The following CAMK1D variants were observed in gnomAD, a reference collection of about 807,000 sequenced individuals.
CAMK1D encodes the protein calcium/calmodulin dependent protein kinase ID, also known as calcium/calmodulin-dependent protein kinase type 1D.
Under a neutral mutation model 47.7 loss-of-function variants are expected in CAMK1D, and 9 were observed. That is an observed-to-expected ratio of 0.19 (90% CI 0.11 to 0.33). CAMK1D has a LOEUF of 0.33. Among genes scored for constraint, CAMK1D ranks in the 10% least tolerant of loss-of-function variants. The pLI, the probability that CAMK1D is intolerant of heterozygous loss-of-function variation, is 1.00. For synonymous variants in CAMK1D, 184 were observed against 184.9 expected, an observed-to-expected ratio of 0.99 and a Z score of 0.04; for missense variants, 291 against 488.7, an observed-to-expected ratio of 0.60 and a Z score of 3.81.
chr10:12,584,175 T>C (rs1190338351), intron 2 of CAMK1D, among the ~76,000 whole-genome samples: 2 of 152,160 alleles, frequency 1.3e-5, no homozygotes, highest in Non-Finnish European at 2.9e-5. Flanking sequence ...CTTGTGTGAG[T>C]ACTTAACTGA....
At chr10:12,638,461 T>C (rs1186461720) in intron 2 of CAMK1D, among the ~76,000 whole-genome samples, 1 of 152,156 alleles carries the variant, frequency 6.6e-6, no homozygotes, top group African/African-American at 2.4e-5. Flanking sequence ...TTACAGAGGC[T>C]TTTCCCTCTG....
intron 1 of CAMK1D, among the ~76,000 whole-genome samples, chr10:12,462,251 C>T (rs367913592): frequency 1.1e-4 from 17 of 148,582 alleles, no homozygotes; most frequent in East Asian, 4.0e-4. Flanking sequence ...CTGCAACCTT[C>T]GCCTCCCAGG....
At chr10:12,631,458 C>T (rs577131320) in intron 2 of CAMK1D, among the ~76,000 whole-genome samples, 2 of 152,260 alleles carry the variant, frequency 1.3e-5, no homozygotes, top group East Asian at 3.9e-4. Context: ...GTTCTCCTTA[C>T]CTAATTAATA....
At chr10:12,789,279 A>G (rs1837873992) in intron 5 of CAMK1D, among the ~76,000 whole-genome samples, 1 of 148,906 alleles carries the variant, frequency 6.7e-6, no homozygotes, top group South Asian at 2.1e-4. Flanking sequence ...GAGGCCCAAG[A>G]CAATTCTTCT....
chr10:12,625,999 A>T (rs1305133908), intron 2 of CAMK1D, among the ~76,000 whole-genome samples: 1 of 152,236 alleles, frequency 6.6e-6, no homozygotes, highest in African/African-American at 2.4e-5. Flanking sequence ...TCATCATAAC[A>T]AGTCAGATGA....
At chr10:12,671,159 T>C (rs995346305) in intron 3 of CAMK1D, among the ~76,000 whole-genome samples, 13 of 152,216 alleles carry the variant, frequency 8.5e-5, no homozygotes, top group Non-Finnish European at 1.2e-4. Flanking sequence ...CCAAATAATA[T>C]TTTATTATCT....
chr10:12,543,492 T>C (rs185530065), intron 1 of CAMK1D, among the ~76,000 whole-genome samples: 46 of 152,290 alleles, frequency 3.0e-4, no homozygotes, highest in Admixed American at 2.0e-3. Context: ...AGCCAGTGTA[T>C]CTCTGGGCTT....
At chr10:12,784,487 C>T (rs956516721) in intron 5 of CAMK1D, among the ~76,000 whole-genome samples, 2 of 151,884 alleles carry the variant, frequency 1.3e-5, no homozygotes, top group African/African-American at 2.4e-5. Context: ...CGTGAGCCAC[C>T]GTGCCGGCCA....
At chr10:12,562,724 T>A (rs2132293940) in intron 2 of CAMK1D, among the ~76,000 whole-genome samples, 1 of 152,306 alleles carries the variant, frequency 6.6e-6, no homozygotes, top group South Asian at 2.1e-4. Context: ...CCTCTGAGAT[T>A]CCACGGCACC....
chr10:12,465,701 C>T (rs1479305976), intron 1 of CAMK1D, among the ~76,000 whole-genome samples: 1 of 152,192 alleles, frequency 6.6e-6, no homozygotes, highest in Non-Finnish European at 1.5e-5. Context: ...ATGTTTTGAG[C>T]AACCACCTCG....
Position 12,484,994 on chromosome 10 carries a change from G to A in CAMK1D, c.93-68231G>A, listed in dbSNP as rs146140770. Among the ~76,000 whole-genome samples the A allele has an allele frequency of 8.4e-3, 1,281 of 152,324 alleles. 20 individuals are homozygous for A. The highest frequency in any genetic ancestry group is 0.029 in the African/African-American group (1,218 of 41,552). ...CTGTAATGTCACCGATTACCATCTG[G>A]TGTGGAAAGATTTGCTTTTCAGATT... On this transcript the variant is annotated intron_variant, in intron 1 of 10. Transcript: ENST00000619168.
intron 2 of CAMK1D, among the ~76,000 whole-genome samples, chr10:12,571,453 C>CA (rs766454210): frequency 0.65 from 58,580 of 89,690 alleles, 17,870 homozygotes; most frequent in Non-Finnish European, 0.7. Flanking sequence ...GACTCCATCA[C>CA]AAAAAAAAAA....
chr10:12,350,579 C>G (rs968918847), intron 1 of CAMK1D, among the ~76,000 whole-genome samples: 9 of 150,126 alleles, frequency 6.0e-5, no homozygotes, highest in Admixed American at 5.3e-4. Context: ...GTGCTCTCTC[C>G]GGGCTGCATC....
intron 1 of CAMK1D, among the ~76,000 whole-genome samples, chr10:12,482,901 G>T (rs949950823): frequency 1.3e-5 from 2 of 152,210 alleles, no homozygotes; most frequent in Non-Finnish European, 2.9e-5. Flanking sequence ...TGCCGCTGCC[G>T]CTGTGGTTCA....
rs199693914 is a variant in CAMK1D at position 12,829,236 on chromosome 10, CAA to C, written c.*359_*360del. ...CTATGGTGTGTTTTTTCATTAATGA[CAA>C]AAAAAAAAAGGTTTCAACTGGATTA... is the stretch of plus-strand genomic sequence containing the variant. On this transcript the variant is annotated 3_prime_UTR_variant, in exon 11 of 11. Transcript: ENST00000619168. 211 of 152,066 alleles carry C rather than the reference CAA, an allele frequency of 1.4e-3. No individual in the cohort carries two copies. The highest frequency in any genetic ancestry group is 5.0e-3 in the African/African-American group (189 of 37,900). 9.4% of individuals were successfully genotyped at this position (152,066 alleles called of 1,614,324 possible). A position where few individuals can be genotyped will look rare whatever the true frequency, so the allele number is the denominator to read the frequency against.
intron 1 of CAMK1D, among the ~76,000 whole-genome samples, chr10:12,427,698 C>CTTTTTTTTTTTTT (rs1588474191): frequency 1.4e-3 from 39 of 27,362 alleles, no homozygotes; most frequent in East Asian, 4.2e-3. Flanking sequence ...ACTGAACTTA[C>CTTTTTTTTTTTTT]TGTTTTTTTT....
chr10:12,784,487 C>A (rs956516721), intron 5 of CAMK1D, among the ~76,000 whole-genome samples: 1 of 151,884 alleles, frequency 6.6e-6, no homozygotes, highest in African/African-American at 2.4e-5. Context: ...CGTGAGCCAC[C>A]GTGCCGGCCA....
At chr10:12,426,387 C>T (rs1840229692) in intron 1 of CAMK1D, among the ~76,000 whole-genome samples, 1 of 152,096 alleles carries the variant, frequency 6.6e-6, no homozygotes, top group Admixed American at 6.5e-5. Flanking sequence ...GCTGGGATTA[C>T]AGGCATGCGC....
At chr10:12,569,777 G>A (rs894626010) in intron 2 of CAMK1D, among the ~76,000 whole-genome samples, 1 of 150,494 alleles carries the variant, frequency 6.6e-6, no homozygotes, top group African/African-American at 2.5e-5. Flanking sequence ...AACTTACCTA[G>A]GAAAAGGAAT....
Sources: gnomAD v4.1 joint callset for allele counts (sites outside exome capture counted in the v4.1 genomes callset) on GRCh38, gnomAD v4.1.1 for gene constraint, MANE v1.5 for transcripts, NCBI Gene and HGNC (gene_info 2026-07-23, HGNC 2026-07-21) for gene names.